The following SLC35F3 variants were observed in gnomAD, a reference collection of about 807,000 sequenced individuals.
SLC35F3 encodes putative thiamine transporter SLC35F3.
In SLC35F3, 25 loss-of-function variants were observed where a neutral mutation model predicts 49.9. The ratio of observed to expected loss-of-function variants is 0.50; its 90% CI spans 0.37 to 0.70. SLC35F3 has a LOEUF of 0.70. Ranked by LOEUF, SLC35F3 falls within the 30% of genes least tolerant of loss-of-function variation. The pLI is 0.00. For synonymous variants in SLC35F3, 275 were observed against 265.4 expected (o/e 1.04, Z -0.35); for missense variants, 525 against 639.8 (o/e 0.82, Z 1.94).
intron 2 of SLC35F3, among the ~76,000 whole-genome samples, chr1:234,051,170 G>A (rs1017814906): frequency 6.6e-6 from 1 of 152,066 alleles, no homozygotes; most frequent in East Asian, 1.9e-4. Context: ...TTCCAATTCT[G>A]TGAAGAAAGT....
intron 3 of SLC35F3, among the ~76,000 whole-genome samples, chr1:234,292,313 G>A (rs1572138118): frequency 6.6e-6 from 1 of 152,200 alleles, no homozygotes; most frequent in East Asian, 1.9e-4. Flanking sequence ...TTGATTCTGG[G>A]CTTGCATAGA....
chr1:234,135,667 T>G (rs1665799581), intron 2 of SLC35F3, among the ~76,000 whole-genome samples: 1 of 152,242 alleles, frequency 6.6e-6, no homozygotes, highest in Admixed American at 6.5e-5. Context: ...TGAAATGGTG[T>G]CTATCCAGGA....
chr1:234,233,846 T>C (rs1054050240), intron 3 of SLC35F3, among the ~76,000 whole-genome samples: 3 of 140,418 alleles, frequency 2.1e-5, no homozygotes, highest in Admixed American at 6.9e-5. Flanking sequence ...AAAAAGTTGT[T>C]TTGTTTTGTT....
At chr1:234,181,901 C>A (rs889599999) in intron 2 of SLC35F3, among the ~76,000 whole-genome samples, 4 of 152,084 alleles carry the variant, frequency 2.6e-5, no homozygotes, top group Non-Finnish European at 5.9e-5. Context: ...TATGAACTGC[C>A]TAAATTCATT....
intron 2 of SLC35F3, among the ~76,000 whole-genome samples, chr1:234,202,605 T>A (rs1259903902): frequency 6.6e-6 from 1 of 152,240 alleles, no homozygotes; most frequent in South Asian, 2.1e-4. Flanking sequence ...TTTGCTGTCT[T>A]TCCCACCACT....
chr1:234,149,050 G>A (rs967366865), intron 2 of SLC35F3, among the ~76,000 whole-genome samples: 12 of 152,180 alleles, frequency 7.9e-5, no homozygotes, highest in Non-Finnish European at 1.2e-4. Context: ...TCAGTGGTTG[G>A]CTCTACTGGA....
chr1:233,953,785 G>A lies in SLC35F3; in HGVS notation c.283+48027G>A, dbSNP rs1337218572. Among the ~76,000 whole-genome samples, 5 of 152,228 alleles carry A rather than the reference G, an allele frequency of 3.3e-5. No individual in the cohort carries two copies. In the East Asian group the frequency reaches 9.7e-4, roughly 29 times the overall value. On this transcript the variant is annotated intron_variant, in intron 2 of 7. Coordinates refer to ENST00000366618, the MANE Select transcript of SLC35F3 (RefSeq NM_173508.4). ...TCCTTTAGGAACAATGACATAGAAT[G>A]GGAGGGGAAAAAAGACCTGGGTAAG...
intron 2 of SLC35F3, among the ~76,000 whole-genome samples, chr1:233,920,972 A>G (rs1238000851): frequency 6.6e-6 from 1 of 152,244 alleles, no homozygotes; most frequent in East Asian, 1.9e-4. Context: ...CAGCTTTGTG[A>G]TACCCTAAAC....
rs1025681029 is a variant in SLC35F3, at chr1:234,193,155, A to T, written c.284-38262A>T. Among the ~76,000 whole-genome samples the T allele has an allele frequency of 1.4e-4, 21 of 152,208 alleles. 1 individual carries two copies. The highest frequency in any genetic ancestry group is 1.0e-3 in the South Asian group (5 of 4,832). ...AGCCAAAGCAAGACTAAGCAAAAAG[A>T]GCAAATCTAGAGGCATCACACTACC... On this transcript the variant is annotated intron_variant, in intron 2 of 7. Coordinates refer to ENST00000366618, the MANE Select transcript of SLC35F3 (RefSeq NM_173508.4).
intron 2 of SLC35F3, among the ~76,000 whole-genome samples, chr1:234,158,583 A>G (rs1293759805): frequency 6.6e-6 from 1 of 152,134 alleles, no homozygotes; most frequent in Non-Finnish European, 1.5e-5. Flanking sequence ...ATAATCTCCT[A>G]TCATTGGGTA....
intron 2 of SLC35F3, among the ~76,000 whole-genome samples, chr1:234,049,595 C>A (rs896925902): frequency 6.6e-6 from 1 of 152,150 alleles, no homozygotes; most frequent in Non-Finnish European, 1.5e-5. Flanking sequence ...GAAGCCCAAG[C>A]TAATACATCC....
chr1:233,969,059 T>TTG (rs1442171571), intron 2 of SLC35F3, among the ~76,000 whole-genome samples: 113 of 97,242 alleles, frequency 1.2e-3, no homozygotes, highest in Non-Finnish European at 1.9e-3. Flanking sequence ...TTGACATATT[T>TTG]TGGGGGGGGG....
intron 3 of SLC35F3, among the ~76,000 whole-genome samples, chr1:234,270,914 G>T (rs1042058948): frequency 1.3e-5 from 2 of 152,178 alleles, no homozygotes; most frequent in African/African-American, 2.4e-5. Flanking sequence ...CTTATAGAAG[G>T]TTTAGTGTTG....
intron 2 of SLC35F3, among the ~76,000 whole-genome samples, chr1:234,080,894 A>G (rs913271948): frequency 6.6e-6 from 1 of 152,244 alleles, no homozygotes; most frequent in African/African-American, 2.4e-5. Flanking sequence ...GTACTTTAAG[A>G]TGGTGAGTTT....
chr1:234,157,987 TG>T (rs1666177916), intron 2 of SLC35F3, among the ~76,000 whole-genome samples: 1 of 152,230 alleles, frequency 6.6e-6, no homozygotes, highest in Non-Finnish European at 1.5e-5. Flanking sequence ...ACTCTTAGCT[TG>T]TTTCACAGCC....
intron 3 of SLC35F3, among the ~76,000 whole-genome samples, chr1:234,264,067 C>A (rs547849123): frequency 1.3e-5 from 2 of 152,296 alleles, no homozygotes; most frequent in South Asian, 4.1e-4. Flanking sequence ...CAAGATCACA[C>A]CACTACACTC....
chr1:234,216,357 G>A (rs1488195399), intron 2 of SLC35F3, among the ~76,000 whole-genome samples: 1 of 152,206 alleles, frequency 6.6e-6, no homozygotes, highest in Non-Finnish European at 1.5e-5. Flanking sequence ...CACTGGAAGT[G>A]GGGCAGGACG....
chr1:234,176,816 C>T (rs949962908), intron 2 of SLC35F3, among the ~76,000 whole-genome samples: 21 of 152,162 alleles, frequency 1.4e-4, no homozygotes, highest in African/African-American at 5.1e-4. Context: ...AACAAAACAC[C>T]TCTCCTGGTT....
intron 2 of SLC35F3, among the ~76,000 whole-genome samples, chr1:233,993,851 G>T (rs948764185): frequency 6.6e-6 from 1 of 152,116 alleles, no homozygotes; most frequent in Non-Finnish European, 1.5e-5. Flanking sequence ...CAAAACCATG[G>T]TCCCTAATTG....
Sources: gnomAD v4.1 joint callset for allele counts (sites outside exome capture counted in the v4.1 genomes callset) on GRCh38, gnomAD v4.1.1 for gene constraint, MANE v1.5 for transcripts, NCBI Gene and HGNC (gene_info 2026-07-23, HGNC 2026-07-21) for gene names.